GRB7: variants seen among roughly 807,000 people sequenced by gnomAD.
GRB7 encodes the protein growth factor receptor-bound protein 7.
In GRB7, 47 loss-of-function variants were observed where a neutral mutation model predicts 64.1. That is an observed-to-expected ratio of 0.73 (90% CI 0.58 to 0.94). The LOEUF (loss-of-function observed/expected upper bound fraction) is 0.94, where lower values mean the gene tolerates loss of function less well. Among genes scored for constraint, GRB7 ranks in the 40% least tolerant of loss-of-function variants. The probability of loss-of-function intolerance (pLI) is 0.00; values close to 1 mark genes in which losing one functional copy is unlikely to be tolerated. For synonymous variants in GRB7, 277 were observed against 279.9 expected (o/e 0.99, Z 0.10); for missense variants, 634 against 718.4 (o/e 0.88, Z 1.34).
rs201762594 is a variant in GRB7, at chr17:39,742,700, A to G, written c.290A>G (p.Asp97Gly). 5.6e-5 allele frequency: 88 copies of G among 1,565,276 alleles called. 1 individual carries two copies. Among genetic ancestry groups the G allele is most frequent in the Non-Finnish European group, 3.3e-5 (38 of 1,155,728 alleles). ...AGTGCAAGGGGGCTGCTCCCCCGCG[A>G]TGCCAGCCGCCCCCATGTGAGTTGT... ...PSSARGLLPR[D>G]ASRPHVVKVY... The change falls in exon 3 of 15, where the codon GAT becomes GGT. Residue 97 changes from aspartate to glycine, a missense_variant. Transcript: ENST00000309156.
intron 9 of GRB7, 113 bp from the exon 10 acceptor site, chr17:39,745,130 A>G (rs2060032654): frequency 8.8e-7 from 1 of 1,134,118 alleles, no homozygotes; most frequent in Non-Finnish European, 1.3e-6. Context: ...GGAAGTGCCC[A>G]TCGAAGGCAG....
Position 39,743,525 on chromosome 17 carries a change from G to A in GRB7, c.663+55G>A, listed in dbSNP as rs1351278180. 4 of 1,402,508 alleles carry A rather than the reference G, an allele frequency of 2.9e-6. No homozygotes were observed. In the African/African-American group the frequency reaches 5.7e-5, roughly 20 times the overall value. The allele number at this position is 1,402,508 out of a possible 1,614,324, so 86.9% of individuals were successfully genotyped here. A position where few individuals can be genotyped will look rare whatever the true frequency, so the allele number is the denominator to read the frequency against. ...TCACGACTCCCCAGCATTGGCCAGT[G>A]CTTCTCCACCCTTAAGTCCTGTGCC... On this transcript the variant is annotated intron_variant, in intron 6 of 14. Coordinates refer to ENST00000309156, the MANE Select transcript of GRB7 (RefSeq NM_005310.5).
At chr17:39,746,676 G>T in intron 14 of GRB7, 75 bp from the exon 15 acceptor site, 1 of 1,494,752 alleles carries the variant, frequency 6.7e-7, no homozygotes, top group South Asian at 1.2e-5. Flanking sequence ...GGAAATGGTG[G>T]GGCCCTGGCC....
At chr17:39,742,510 C>T in intron 2 of GRB7, 54 bp downstream of exon 2, 1 of 1,612,616 alleles carries the variant, frequency 6.2e-7, no homozygotes, top group East Asian at 2.2e-5. Context: ...TACACAGAGG[C>T]TTGCAGGCCA....
Position 39,746,946 on chromosome 17 carries a change from C to A in GRB7, c.*49C>A. ...CTCAGCCCGCCTTCAGGCTGCCCGC[C>A]GCCCCTCCACCCATCCAGTGGACTC... is the stretch of plus-strand genomic sequence containing the variant. On this transcript the variant is annotated 3_prime_UTR_variant, in exon 15 of 15. Coordinates refer to ENST00000309156, the MANE Select transcript of GRB7 (RefSeq NM_005310.5). 1 of 1,563,716 alleles carries A rather than the reference C, an allele frequency of 6.4e-7. No individual in the cohort carries two copies. Among genetic ancestry groups the A allele is most frequent in the Admixed American group, 1.7e-5 (1 of 58,482 alleles).
Position 39,745,545 on chromosome 17 carries a change from C to A in GRB7, c.1209+7C>A, listed in dbSNP as rs1228320984. On this transcript the variant is annotated splice_region_variant and intron_variant, in intron 11 of 14. Coordinates refer to ENST00000309156, the MANE Select transcript of GRB7 (RefSeq NM_005310.5). Reference sequence around the variant, plus strand: ...GGAGGCCCAGGCCTGGAGGGTGAGGCCTGCTGTGTGTGTGTGTGTTTGTGC... The same window carrying A: ...GGAGGCCCAGGCCTGGAGGGTGAGGACTGCTGTGTGTGTGTGTGTTTGTGC... 6.2e-7 allele frequency: 1 copy of A among 1,606,236 alleles called. No individual in the cohort carries two copies. The highest frequency in any genetic ancestry group is 8.5e-7 in the Non-Finnish European group (1 of 1,173,542).
In GRB7 at chr17:39,737,971, G is replaced by A. The variant is rs554193328; in HGVS notation, c.-213G>A. On this transcript the variant is annotated 5_prime_UTR_variant, in exon 1 of 15. Transcript: ENST00000309156. ...TGGGCCTGGAATCTGGACACACAGG[G>A]CTCCCCCCCGCCTCTGACTTCTCTG... The A allele has an allele frequency of 6.6e-6, 1 of 152,358 alleles. No individual in the cohort carries two copies. Among genetic ancestry groups the A allele is most frequent in the East Asian group, 1.9e-4 (1 of 5,212 alleles). The allele number at this position is 152,358 out of a possible 1,614,324, so 9.4% of individuals were successfully genotyped here. A position where few individuals can be genotyped will look rare whatever the true frequency, so the allele number is the denominator to read the frequency against.
intron 14 of GRB7, 135 bp downstream of exon 14, chr17:39,746,337 C>A: frequency 1.4e-6 from 1 of 737,520 alleles, no homozygotes; most frequent in Non-Finnish European, 2.3e-6. Context: ...AAGTGGGAGG[C>A]TGAGTGCGGT....
At chr17:39,743,729 C>A in intron 6 of GRB7, 1 of 517,434 alleles carries the variant, frequency 1.9e-6, no homozygotes, top group South Asian at 2.2e-5. Flanking sequence ...AATCCCAGCA[C>A]TTTGGGAGGC....
rs763759345 is a variant in GRB7, at chr17:39,743,309, C to T, written c.585+8C>T. ...CTGTTCAAGAGCTCCCCAGTGAGTG[C>T]ATGAGGGCTGTCTGGGCGCTGGGAT... On this transcript the variant is annotated splice_region_variant and intron_variant, in intron 5 of 14. Coordinates refer to ENST00000309156, the MANE Select transcript of GRB7 (RefSeq NM_005310.5). 8 of 1,614,080 alleles carry T rather than the reference C, an allele frequency of 5.0e-6. No individual in the cohort carries two copies. Among genetic ancestry groups the T allele is most frequent in the Non-Finnish European group, 6.8e-6 (8 of 1,180,024 alleles).
intron 4 of GRB7, 22 bp from the exon 5 acceptor site, chr17:39,743,158 T>C (rs1016236859): frequency 6.2e-7 from 1 of 1,613,542 alleles, no homozygotes; most frequent in Non-Finnish European, 8.5e-7. Context: ...CAATAACCCC[T>C]GCTTTTTGCC....
In GRB7 at chr17:39,745,576, A is replaced by G. The variant is rs368040901; in HGVS notation, c.1209+38A>G. 8.2e-6 allele frequency: 13 copies of G among 1,583,234 alleles called. No individual in the cohort carries two copies. In the African/African-American group the frequency reaches 1.6e-4, roughly 20 times the overall value. ...GTGTGTGTGTGTGTTTGTGCTGGGG[A>G]CCCACTCTCTGGGTGGGATCCCTGA... On this transcript the variant is annotated intron_variant, in intron 11 of 14. Transcript: ENST00000309156.
At chr17:39,745,356 A>T in intron 10 of GRB7, 33 bp downstream of exon 10, 1 of 1,606,718 alleles carries the variant, frequency 6.2e-7, no homozygotes, top group African/African-American at 1.3e-5. Context: ...GAGGGTGGGT[A>T]TGCAGGCCCT....
At chr17:39,743,658 C>G (rs987734793) in intron 6 of GRB7, 188 bp downstream of exon 6, 1 of 616,302 alleles carries the variant, frequency 1.6e-6, no homozygotes, top group Non-Finnish European at 2.9e-6. Context: ...GCGAGAAATG[C>G]ATGTGGAGCA....
intron 6 of GRB7, 80 bp from the exon 7 acceptor site, chr17:39,743,986 AAAAG>A: frequency 6.4e-7 from 1 of 1,553,814 alleles, no homozygotes; most frequent in Non-Finnish European, 8.7e-7. Flanking sequence ...CTCAAAAAGA[AAAAG>A]AAAAAGAGAA....
chr17:39,740,683 C>A (rs2059987589), intron 1 of GRB7, among the ~76,000 whole-genome samples: 1 of 152,182 alleles, frequency 6.6e-6, no homozygotes, highest in African/African-American at 2.4e-5. Flanking sequence ...CCCCGTGCCT[C>A]CCCCATTCCG....
chr17:39,739,940 C>T, intron 1 of GRB7: 1 of 969,866 alleles, frequency 1.0e-6, no homozygotes, highest in Non-Finnish European at 1.2e-6. Context: ...GCCTTAGAAG[C>T]TTAAGGGCAC....
At chr17:39,745,634 C>A in intron 11 of GRB7, 94 bp from the exon 12 acceptor site, 1 of 1,561,058 alleles carries the variant, frequency 6.4e-7, no homozygotes, top group Non-Finnish European at 8.8e-7. Flanking sequence ...CGGGGGGAGG[C>A]CCCTGGCTGG....
At chr17:39,745,890 G>A (rs749865850) in intron 12 of GRB7, 23 bp from the exon 13 acceptor site, 12 of 1,613,332 alleles carry the variant, frequency 7.4e-6, no homozygotes, top group Admixed American at 3.3e-5. Flanking sequence ...CAAAGTGACC[G>A]CCCATGTCCT....
Sources: gnomAD v4.1 joint callset for allele counts (sites outside exome capture counted in the v4.1 genomes callset) on GRCh38, gnomAD v4.1.1 for gene constraint, MANE v1.5 for transcripts, NCBI Gene and HGNC (gene_info 2026-07-23, HGNC 2026-07-21) for gene names.